FRMPD1: variants seen among roughly 807,000 people sequenced by gnomAD.
FRMPD1 encodes the protein FERM and PDZ domain containing 1, also known as FERM and PDZ domain-containing protein 1.
Under a neutral mutation model 117.8 loss-of-function variants are expected in FRMPD1, and 76 were observed. The observed-to-expected ratio is 0.65, with a 90% confidence interval of 0.54 to 0.78. The LOEUF is 0.78. FRMPD1 is among the 30% of genes least tolerant of loss of function. The pLI, the probability that FRMPD1 is intolerant of heterozygous loss-of-function variation, is 0.00. For synonymous variants in FRMPD1, 783 were observed against 770.4 expected (o/e 1.02, Z -0.27); for missense variants, 1,786 against 1,964.5 (o/e 0.91, Z 1.72).
Position 37,746,445 on chromosome 9 carries a change from G to C in FRMPD1, c.4413G>C (p.Ser1471=), listed in dbSNP as rs772585206. ...GCATGGGCTCCCAGAAGCTCCTGTCGAGCTGTCGGCATGTGATCAGAATGG... is the reference window on the plus strand; with the variant it reads ...GCATGGGCTCCCAGAAGCTCCTGTCCAGCTGTCGGCATGTGATCAGAATGG... The part of the protein sequence containing the change: ...RLCMGSQKLL[S]SCRHVIRMDQ... The change falls in exon 16 of 16, where the codon TCG becomes TCC. Residue 1471 remains serine (S), a synonymous_variant. Transcript: ENST00000377765. 6.2e-7 allele frequency: 1 copy of C among 1,613,538 alleles called. No individual in the cohort carries two copies. Among genetic ancestry groups the C allele is most frequent in the African/African-American group, 1.3e-5 (1 of 74,922 alleles).
chr9:37,620,971 TTTTAA>T, the FRMPD1 span, among the ~76,000 whole-genome samples: 1 of 152,218 alleles, frequency 6.6e-6, no homozygotes, highest in Non-Finnish European at 1.5e-5. Context: ...TTTATTGTAG[TTTTAA>T]TTTAATTCTT....
At chr9:37,682,567 AG>A (rs1355674088) in intron 1 of FRMPD1, among the ~76,000 whole-genome samples, 1 of 152,268 alleles carries the variant, frequency 6.6e-6, no homozygotes, top group Non-Finnish European at 1.5e-5. Context: ...GAAGGAAACC[AG>A]GTCTCCTAAT....
chr9:37,743,904 GA>G (rs139303991), intron 15 of FRMPD1, among the ~76,000 whole-genome samples: 48 of 144,716 alleles, frequency 3.3e-4, no homozygotes, highest in Middle Eastern at 3.7e-3. Context: ...CAAAAAAAAA[GA>G]AAAAAAAAAG....
At chr9:37,627,089 T>G in the FRMPD1 span, among the ~76,000 whole-genome samples, 3 of 152,154 alleles carry the variant, frequency 2.0e-5, no homozygotes, top group East Asian at 5.8e-4. Context: ...TTCCCAGAGC[T>G]GTTTCTTTCA....
intron 7 of FRMPD1, among the ~76,000 whole-genome samples, chr9:37,726,779 T>C (rs1400197561): frequency 6.6e-6 from 1 of 152,078 alleles, no homozygotes; most frequent in East Asian, 1.9e-4. Context: ...GGGGTGGGGC[T>C]AGGGTGAGGA....
At chr9:37,637,004 G>T in the FRMPD1 span, 1 of 1,568,040 alleles carries the variant, frequency 6.4e-7, no homozygotes, top group Non-Finnish European at 8.8e-7. Flanking sequence ...CTTCACGTTG[G>T]CATAGGATTC....
the FRMPD1 span, among the ~76,000 whole-genome samples, chr9:37,624,079 A>G: frequency 6.6e-6 from 1 of 152,130 alleles, no homozygotes; most frequent in Non-Finnish European, 1.5e-5. Flanking sequence ...AGGTCAAGGG[A>G]ACCAAGAGTA....
rs118176915 is a variant in FRMPD1, at chr9:37,706,683, G to C, written c.102-733G>C. On this transcript the variant is annotated intron_variant, in intron 2 of 15. Coordinates refer to ENST00000377765, the MANE Select transcript of FRMPD1 (RefSeq NM_014907.3). ...TGTTTTAAAAGTTGATATAGAGGGA[G>C]TCCTTGCTATCTGAGATTTTATATT... is the stretch of plus-strand genomic sequence containing the variant. 1.4e-4 allele frequency among the ~76,000 whole-genome samples: 22 copies of C among 152,302 alleles called. No individual in the cohort carries two copies. In the East Asian group the frequency reaches 3.1e-3, roughly 21 times the overall value.
At chr9:37,607,784 G>A in the FRMPD1 span, among the ~76,000 whole-genome samples, 1 of 152,218 alleles carries the variant, frequency 6.6e-6, no homozygotes, top group Non-Finnish European at 1.5e-5. Context: ...GAAACCTCAT[G>A]GTTTAGGTTT....
rs1254253334 is a variant in FRMPD1 at position 37,746,742 on chromosome 9, G to GTT, written c.4710_4711insTT (p.Lys1571LeufsTer28). 2.5e-6 allele frequency: 4 copies of GTT among 1,613,930 alleles called. No homozygotes were observed. Among genetic ancestry groups the GTT allele is most frequent in the Non-Finnish European group, 3.4e-6 (4 of 1,180,034 alleles). Reference sequence around the variant, plus strand: ...CGGCCGCCGTGTTCTGTTTGACCCAGAAGTTCCGGGCATCCACGGCCCTGT... The same window carrying GTT: ...CGGCCGCCGTGTTCTGTTTGACCCAGTTAAGTTCCGGGCATCCACGGCCCTGT... On this transcript the variant is annotated frameshift_variant, in exon 16 of 16. Transcript: ENST00000377765. LOFTEE classifies it high-confidence loss of function.
chr9:37,633,378 C>G, the FRMPD1 span, among the ~76,000 whole-genome samples: 2 of 152,212 alleles, frequency 1.3e-5, no homozygotes, highest in African/African-American at 4.8e-5. Flanking sequence ...AGTTAAATTT[C>G]TTTCTAGAAA....
chr9:37,687,362 A>C (rs1208606802), intron 1 of FRMPD1, among the ~76,000 whole-genome samples: 1 of 152,196 alleles, frequency 6.6e-6, no homozygotes, highest in East Asian at 1.9e-4. Context: ...TTTAATAAAC[A>C]TTCTTTGATT....
At position 37,717,341 on chromosome 9, in the gene FRMPD1, A is replaced by ATGTGTGTGTGTG. The variant is rs59852335; in HGVS notation, c.409-1710_409-1699dup. Among the ~76,000 whole-genome samples the ATGTGTGTGTGTG allele has an allele frequency of 3.6e-3, 430 of 120,130 alleles. 4 individuals are homozygous for ATGTGTGTGTGTG. Among genetic ancestry groups the ATGTGTGTGTGTG allele is most frequent in the African/African-American group, 9.0e-3 (289 of 32,188 alleles). 78.8% of individuals were successfully genotyped at this position (120,130 alleles called of 152,430 possible). On this transcript the variant is annotated intron_variant, in intron 5 of 15. Coordinates refer to ENST00000377765, the MANE Select transcript of FRMPD1 (RefSeq NM_014907.3). ...TATGTGTGTGTGTGTATGTGTATAT[A>ATGTGTGTGTGTG]TGTGTGTGTGTGTGTGTGTGTGTGT...
At chr9:37,623,438 C>T in the FRMPD1 span, among the ~76,000 whole-genome samples, 1 of 152,192 alleles carries the variant, frequency 6.6e-6, no homozygotes, top group East Asian at 1.9e-4. Context: ...AATCTTCAGG[C>T]AGGGGGCAGC....
chr9:37,729,104 T>A (rs1269402781), intron 7 of FRMPD1, among the ~76,000 whole-genome samples: 3 of 151,578 alleles, frequency 2.0e-5, no homozygotes, highest in Non-Finnish European at 2.9e-5. Flanking sequence ...AAAAACTAGC[T>A]GTGTGTGGTG....
At chr9:37,711,234 T>C in intron 4 of FRMPD1, 116 bp from the exon 5 acceptor site, 1 of 750,120 alleles carries the variant, frequency 1.3e-6, no homozygotes. Context: ...GGCTGCTTTA[T>C]ACTCATTCTG....
intron 5 of FRMPD1, among the ~76,000 whole-genome samples, chr9:37,713,704 G>A (rs1235144010): frequency 6.6e-6 from 1 of 151,998 alleles, no homozygotes; most frequent in Non-Finnish European, 1.5e-5. Flanking sequence ...TATATAGTTT[G>A]TGAAAAACAT....
upstream of FRMPD1, among the ~76,000 whole-genome samples, chr9:37,650,529 T>TC (rs1283510963): frequency 6.6e-6 from 1 of 150,680 alleles, no homozygotes; most frequent in Non-Finnish European, 1.5e-5. Flanking sequence ...AGGGGGCGAG[T>TC]CCCCCAGGGC....
intron 1 of FRMPD1, among the ~76,000 whole-genome samples, chr9:37,663,559 A>T (rs755458898): frequency 2.6e-5 from 4 of 152,136 alleles, no homozygotes; most frequent in Non-Finnish European, 5.9e-5. Flanking sequence ...TACCCTCTCC[A>T]CTGCCACACT....
Sources: allele counts gnomAD v4.1 joint callset (sites outside exome capture counted in the v4.1 genomes callset), GRCh38; gene constraint gnomAD v4.1.1; transcripts MANE v1.5; gene names NCBI Gene and HGNC (gene_info 2026-07-23, HGNC 2026-07-21).